Variants in ZNF75A observed in about 807,000 individuals in gnomAD.
The protein encoded by ZNF75A is zinc finger protein 75A.
In ZNF75A, 36 loss-of-function variants were observed where a neutral mutation model predicts 46.3. The ratio of observed to expected loss-of-function variants is 0.78; its 90% CI spans 0.60 to 1.03. The LOEUF is 1.03. ZNF75A is among the 50% of genes least tolerant of loss of function. The pLI is 0.00. For synonymous variants in ZNF75A, 234 were observed against 189.9 expected, an observed-to-expected ratio of 1.23 and a Z score of -1.91; for missense variants, 595 against 551.3, an observed-to-expected ratio of 1.08 and a Z score of -0.79.
intron 2 of ZNF75A, chr16:3,310,510 A>T: frequency 4.7e-6 from 1 of 211,192 alleles, no homozygotes; most frequent in Non-Finnish European, 8.2e-6. Flanking sequence ...CTGTAGTCCC[A>T]GCCACTCGGG....
chr16:3,305,910 T>G (rs1417184384), intron 1 of ZNF75A: 1 of 152,262 alleles, frequency 6.6e-6, no homozygotes, highest in Non-Finnish European at 1.5e-5. Flanking sequence ...ACACAGGCTG[T>G]GGCGAATCCG....
chr16:3,317,187 C>A lies in ZNF75A; in HGVS notation c.935-3C>A, dbSNP rs778219744. 1.2e-6 allele frequency: 2 copies of A among 1,601,600 alleles called. No homozygotes were observed. The highest frequency in any genetic ancestry group is 1.7e-6 in the Non-Finnish European group (2 of 1,174,640). On this transcript the variant is annotated splice_region_variant and splice_polypyrimidine_tract_variant and intron_variant, in intron 6 of 6. Transcript: ENST00000669516. The stretch of plus-strand genomic sequence containing the variant: ...AGATGTGTGATTATGTTTATTCCAA[C>A]AGGGTTAAAGCTCAAAAACGACACT...
At chr16:3,320,781 G>A (rs1245646627), downstream of ZNF75A, among the ~76,000 whole-genome samples, 2 of 152,246 alleles carry the variant, frequency 1.3e-5, no homozygotes, top group Non-Finnish European at 2.9e-5. Flanking sequence ...AACTACCTCT[G>A]TTGTATCTTC....
chr16:3,316,272 C>T (rs571215458), intron 5 of ZNF75A: 20 of 152,328 alleles, frequency 1.3e-4, no homozygotes, highest in African/African-American at 4.8e-4. Context: ...CACACCATAG[C>T]CACTCAATAC....
Position 3,311,757 on chromosome 16 carries a change from C to G in ZNF75A, c.413C>G (p.Ala138Gly). The change falls in exon 3 of 7, where the codon GCA becomes GGA. Residue 138 changes from alanine to glycine, a missense_variant. Coordinates refer to ENST00000669516, the MANE Select transcript of ZNF75A (RefSeq NM_001302109.2). ...RESGQTWNGV[A>G]VHELGKEAVL... ...AAGGATGGGAATTATTTCTAGGTTGCAGTCCATGAGCTGGGAAAGGAGGCA... is the reference window on the plus strand; with the variant it reads ...AAGGATGGGAATTATTTCTAGGTTGGAGTCCATGAGCTGGGAAAGGAGGCA... 1 of 1,049,888 alleles carries G rather than the reference C, an allele frequency of 9.5e-7. No homozygotes were observed. The highest frequency in any genetic ancestry group is 3.4e-5 in the South Asian group (1 of 28,990). 65.0% of individuals were successfully genotyped at this position (1,049,888 alleles called of 1,614,324 possible). A position where few individuals can be genotyped will look rare whatever the true frequency, so the allele number is the denominator to read the frequency against.
rs1049464105 is a variant in ZNF75A, at chr16:3,308,404, C to T, written c.-25C>T. 2 of 985,824 alleles carry T rather than the reference C, an allele frequency of 2.0e-6. No homozygotes were observed. Among genetic ancestry groups the T allele is most frequent in the Non-Finnish European group, 2.4e-6 (2 of 829,914 alleles). 61.1% of individuals were successfully genotyped at this position (985,824 alleles called of 1,614,324 possible). ...GTGGTACCAATTGGGTGTCTTAACA[C>T]AGGAGCAGAACTTCCTAGAGCAGAA... On this transcript the variant is annotated 5_prime_UTR_variant, in exon 2 of 7. Transcript: ENST00000669516.
intron 2 of ZNF75A, chr16:3,309,320 A>T (rs1037704295): frequency 6.6e-6 from 1 of 151,820 alleles, no homozygotes; most frequent in Admixed American, 6.6e-5. Context: ...GCTGGGCATG[A>T]TGACCGGTGC....
Position 3,317,227 on chromosome 16 carries a change from T to A in ZNF75A, c.972T>A (p.Pro324=), listed in dbSNP as rs1245981598. 4 of 1,613,604 alleles carry A rather than the reference T, an allele frequency of 2.5e-6. No homozygotes were observed. The highest frequency in any genetic ancestry group is 1.7e-5 in the Admixed American group (1 of 59,918). ...AAAACGACACTGAAAATCATCAGCCTGTGTCTCTTTCTGACTTAGAAATAC... is the reference window on the plus strand; with the variant it reads ...AAAACGACACTGAAAATCATCAGCCAGTGTCTCTTTCTGACTTAGAAATAC... ...KLKNDTENHQ[P]VSLSDLEIQA... Residue 324 remains proline (P), a synonymous_variant, in exon 7 of 7, where the codon CCT becomes CCA. Coordinates refer to ENST00000669516, the MANE Select transcript of ZNF75A (RefSeq NM_001302109.2).
chr16:3,312,163 C>G (rs1482885055), intron 3 of ZNF75A: 3 of 153,048 alleles, frequency 2.0e-5, no homozygotes, highest in Admixed American at 6.5e-5. Context: ...AACCACAGAA[C>G]TCTTGGTAAT....
chr16:3,321,744 C>T (rs1713861228), downstream of ZNF75A, among the ~76,000 whole-genome samples: 1 of 152,204 alleles, frequency 6.6e-6, no homozygotes, highest in Non-Finnish European at 1.5e-5. Context: ...ACTGAGATTA[C>T]AGGCATGAGC....
rs761890889 is a variant in ZNF75A at position 3,313,086 on chromosome 16, C to A, written c.734C>A (p.Ser245Tyr). 6.2e-6 allele frequency: 10 copies of A among 1,613,428 alleles called. No homozygotes were observed. Among genetic ancestry groups the A allele is most frequent in the Non-Finnish European group, 8.5e-6 (10 of 1,179,770 alleles). Reference protein sequence around the residue: ...LTFEEVAMYFSQEEWELLDPT... With the variant: ...LTFEEVAMYFYQEEWELLDPT... ...TTTGAAGAAGTGGCCATGTATTTTTCCCAGGAAGAATGGGAGTTATTGGAT... is the reference window on the plus strand; with the variant it reads ...TTTGAAGAAGTGGCCATGTATTTTTACCAGGAAGAATGGGAGTTATTGGAT... Residue 245 changes from serine to tyrosine, a missense_variant, in exon 5 of 7, where the codon TCC becomes TAC. By Grantham distance (144) the Ser-to-Tyr change is moderately radical. Transcript: ENST00000669516.
intron 2 of ZNF75A, chr16:3,309,467 A>G (rs1352990740): frequency 7.0e-6 from 1 of 142,168 alleles, no homozygotes; most frequent in African/African-American, 2.7e-5. Context: ...AAAAAAAAAC[A>G]AAAAAAACAA....
At chr16:3,308,887 A>G (rs1029533513) in intron 2 of ZNF75A, 51 bp downstream of exon 2, 3 of 970,240 alleles carry the variant, frequency 3.1e-6, no homozygotes, top group South Asian at 4.8e-5. Flanking sequence ...GCAGGTGGAT[A>G]TAGTAGAGAT....
chr16:3,308,861 T>C (rs1184427347), intron 2 of ZNF75A, 25 bp downstream of exon 2: 1 of 984,986 alleles, frequency 1.0e-6, no homozygotes, highest in East Asian at 1.1e-4. Context: ...TCCTGACATG[T>C]ACAGTGAAAT....
Position 3,317,351 on chromosome 16 carries a change from T to A in ZNF75A, c.1096T>A (p.Trp366Arg), listed in dbSNP as rs1961294898. ...NHFDMHRVGK[W>R]HQDFPVKKRK... ...TTTTGATATGCACAGAGTGGGAAAA[T>A]GGCACCAAGATTTTCCAGTGAAGAA... is the stretch of plus-strand genomic sequence containing the variant. The change falls in exon 7 of 7, where the codon TGG (tryptophan) becomes AGG (arginine). Residue 366 changes from tryptophan (W) to arginine (R), a missense_variant. Transcript: ENST00000669516. 6.2e-7 allele frequency: 1 copy of A among 1,613,854 alleles called. No individual in the cohort carries two copies. Among genetic ancestry groups the A allele is most frequent in the African/African-American group, 1.3e-5 (1 of 74,872 alleles).
At chr16:3,309,939 A>G (rs978317514) in intron 2 of ZNF75A, among the ~76,000 whole-genome samples, 1 of 151,938 alleles carries the variant, frequency 6.6e-6, no homozygotes, top group Admixed American at 6.6e-5. Context: ...TGAAAAAAAA[A>G]AAGAAAATAA....
chr16:3,322,594 T>A (rs1049754670), downstream of ZNF75A, among the ~76,000 whole-genome samples: 4 of 152,220 alleles, frequency 2.6e-5, no homozygotes, highest in Admixed American at 2.0e-4. Flanking sequence ...GAATCACTTT[T>A]CATTTCTGCC....
intron 1 of ZNF75A, chr16:3,306,062 G>A (rs1596383722): frequency 6.6e-6 from 1 of 152,236 alleles, no homozygotes. Flanking sequence ...CATAGGAAGT[G>A]TCTCTTTGCT....
chr16:3,322,724 A>ATT (rs977682173), downstream of ZNF75A, among the ~76,000 whole-genome samples: 9 of 148,890 alleles, frequency 6.0e-5, no homozygotes, highest in African/African-American at 2.2e-4. Flanking sequence ...TACTGTTGAA[A>ATT]TTTTTTTTTT....
Sources: gnomAD v4.1 joint callset for allele counts (sites outside exome capture counted in the v4.1 genomes callset) on GRCh38, gnomAD v4.1.1 for gene constraint, MANE v1.5 for transcripts, NCBI Gene and HGNC (gene_info 2026-07-23, HGNC 2026-07-21) for gene names.